The following PRUNE2 variants were observed in gnomAD, a reference collection of about 807,000 sequenced individuals.
The protein encoded by PRUNE2 is prune homolog 2 with BCH domain.
In PRUNE2, 164 loss-of-function variants were observed where a neutral mutation model predicts 252.0. The ratio of observed to expected loss-of-function variants is 0.65; its 90% CI spans 0.57 to 0.74. The LOEUF (loss-of-function observed/expected upper bound fraction) is 0.74. Ranked by LOEUF, PRUNE2 falls within the 30% of genes least tolerant of loss-of-function variation. PRUNE2 has a pLI of 0.00. For synonymous variants in PRUNE2, 1,292 were observed against 1,350.2 expected, an observed-to-expected ratio of 0.96 and a Z score of 0.94; for missense variants, 3,495 against 3,711.0, an observed-to-expected ratio of 0.94 and a Z score of 1.51.
intron 6 of PRUNE2, among the ~76,000 whole-genome samples, chr9:76,769,847 A>G (rs2130914284): frequency 6.6e-6 from 1 of 152,374 alleles, no homozygotes; most frequent in East Asian, 1.9e-4. Context: ...AAAAAGCGGT[A>G]GCAATTAAAA....
chr9:76,773,295 A>G (rs1420695186), intron 6 of PRUNE2, among the ~76,000 whole-genome samples: 1 of 152,174 alleles, frequency 6.6e-6, no homozygotes, highest in Non-Finnish European at 1.5e-5. Context: ...AGAAATAGAA[A>G]TTTCTGTAAA....
In PRUNE2 at chr9:76,706,175, A is replaced by T. The variant is rs1443490799; in HGVS notation, c.6099T>A (p.Ser2033=). Residue 2033 remains serine (S), a synonymous_variant, in exon 8 of 19, where the codon TCT becomes TCA. Coordinates refer to ENST00000376718, the MANE Select transcript of PRUNE2 (RefSeq NM_015225.3). ...CACTTGGGGTAGAGCCATCCCATTCAGAGCCTGGCTTCATTATCAGTTGGG... is the reference window on the plus strand; with the variant it reads ...CACTTGGGGTAGAGCCATCCCATTCTGAGCCTGGCTTCATTATCAGTTGGG... ...SPTQLIMKPG[S]EWDGSTPSED... 6.2e-7 allele frequency: 1 copy of T among 1,613,900 alleles called. No individual in the cohort carries two copies.
chr9:76,897,964 C>A (rs7036806), intron 1 of PRUNE2, among the ~76,000 whole-genome samples: 10,731 of 152,118 alleles, frequency 0.071, 1,251 homozygotes, highest in African/African-American at 0.24. Context: ...ATTACTGTGC[C>A]TGGAGATCAC....
Position 76,873,334 on chromosome 9 carries a change from G to GT in PRUNE2, c.37-19127dup, listed in dbSNP as rs556249588. ...ATGTTTTAGATTTTCCATAATAAAA[G>GT]TTTTTTTAAAAGAAGCCTTGTATAT... On this transcript the variant is annotated intron_variant, in intron 1 of 18. Transcript: ENST00000376718. Among the ~76,000 whole-genome samples, 110 of 152,170 alleles carry GT rather than the reference G, an allele frequency of 7.2e-4. 1 individual carries two copies. The highest frequency in any genetic ancestry group is 2.6e-3 in the African/African-American group (108 of 41,522).
chr9:76,769,549 C>T (rs1301239114), intron 6 of PRUNE2, among the ~76,000 whole-genome samples: 3 of 152,164 alleles, frequency 2.0e-5, no homozygotes, highest in Non-Finnish European at 1.5e-5. Flanking sequence ...CCTCAGCCTC[C>T]CAAGTAGCTG....
rs868124889 is a variant in PRUNE2 at position 76,704,761 on chromosome 9, C to A, written c.7513G>T (p.Gly2505Cys). The change falls in exon 8 of 19, where the codon GGT (glycine) becomes TGT (cysteine). Residue 2505 changes from glycine to cysteine, a missense_variant and splice_region_variant. Gly to Cys is a radical substitution (Grantham distance 159). Transcript: ENST00000376718. ...AGTGGAAGAATGGAATGTTTCTTACCATTTGGTGGTCCTATGTCTCCACCT... is the reference window on the plus strand; with the variant it reads ...AGTGGAAGAATGGAATGTTTCTTACAATTTGGTGGTCCTATGTCTCCACCT... ...PAGGDIGPPN[G>C]ASKEISELEE... 2 of 1,534,710 alleles carry A rather than the reference C, an allele frequency of 1.3e-6. No homozygotes were observed. Among genetic ancestry groups the A allele is most frequent in the East Asian group, 2.4e-5 (1 of 41,706 alleles).
chr9:76,775,262 C>T (rs2053607460), intron 6 of PRUNE2, among the ~76,000 whole-genome samples: 1 of 152,010 alleles, frequency 6.6e-6, no homozygotes, highest in South Asian at 2.1e-4. Context: ...TTTGCAATGA[C>T]AAAGAGGAAC....
At chr9:76,838,899 T>A (rs1340897742) in intron 4 of PRUNE2, among the ~76,000 whole-genome samples, 1 of 152,194 alleles carries the variant, frequency 6.6e-6, no homozygotes, top group African/African-American at 2.4e-5. Context: ...TTACATGTCC[T>A]TTTATACACA....
chr9:76,783,984 G>A (rs968313223), intron 6 of PRUNE2: 5 of 152,034 alleles, frequency 3.3e-5, no homozygotes, highest in Non-Finnish European at 7.3e-5. Flanking sequence ...CTGTCCTCCC[G>A]GAATCCACTA....
In PRUNE2 at chr9:76,708,171, A is replaced by G; in HGVS notation, c.4103T>C (p.Leu1368Pro). Residue 1368 changes from leucine to proline, a missense_variant, in exon 8 of 19, where the codon CTG becomes CCG. By Grantham distance (98) the Leu-to-Pro change is moderately conservative. Transcript: ENST00000376718. ...GATTTCCTGATGTTCAGATGCAACC[A>G]GAGAAGACAGTTCCTGGTCACTCTG... ...KGQSDQELSS[L>P]VASEHQEICI... The G allele has an allele frequency of 2.5e-6, 4 of 1,614,024 alleles. No homozygotes were observed. The highest frequency in any genetic ancestry group is 3.4e-6 in the Non-Finnish European group (4 of 1,179,900).
At chr9:76,621,137 T>C (rs571797196) in intron 17 of PRUNE2, among the ~76,000 whole-genome samples, 2 of 152,186 alleles carry the variant, frequency 1.3e-5, no homozygotes, top group South Asian at 4.1e-4. Context: ...GACAGATAGG[T>C]TTTGTTCCCT....
At position 76,707,229 on chromosome 9, in the gene PRUNE2, G is replaced by C; in HGVS notation, c.5045C>G (p.Ser1682Ter). 6.2e-7 allele frequency: 1 copy of C among 1,613,888 alleles called. No individual in the cohort carries two copies. The highest frequency in any genetic ancestry group is 1.1e-5 in the South Asian group (1 of 91,064). The change falls in exon 8 of 19, where the codon TCA becomes TGA. Residue 1682 changes from serine to a stop codon, truncating the protein, a stop_gained. Coordinates refer to ENST00000376718, the MANE Select transcript of PRUNE2 (RefSeq NM_015225.3). LOFTEE classifies it high-confidence loss of function. ...TVQPEDARVISTSSGSDDDSV... is the reference protein window; with the variant it reads ...TVQPEDARVI ...GTCATCATCAGAACCTGAGCTTGTT[G>C]AAATGACCCTGGCATCCTCTGGCTG... is the stretch of plus-strand genomic sequence containing the variant.
At chr9:76,848,383 T>A (rs2059780253) in intron 3 of PRUNE2, among the ~76,000 whole-genome samples, 1 of 152,224 alleles carries the variant, frequency 6.6e-6, no homozygotes, top group Non-Finnish European at 1.5e-5. Context: ...TGTCAATGAT[T>A]GATAAATATT....
chr9:76,707,168 G>T lies in PRUNE2; in HGVS notation c.5106C>A (p.Ile1702=). The T allele has an allele frequency of 2.0e-5, 32 of 1,613,868 alleles. No homozygotes were observed. The highest frequency in any genetic ancestry group is 2.7e-5 in the Non-Finnish European group (32 of 1,179,854). ...VGGEESIEEE[I]QVANCHVAED... ...CAGCAACGTGGCAGTTGGCCACCTG[G>T]ATCTCTTCCTCTATTGACTCTTCAC... Residue 1702 remains isoleucine (I), a synonymous_variant, in exon 8 of 19, where the codon ATC becomes ATA. Coordinates refer to ENST00000376718, the MANE Select transcript of PRUNE2 (RefSeq NM_015225.3).
intron 6 of PRUNE2, among the ~76,000 whole-genome samples, chr9:76,754,893 G>T (rs899198830): frequency 6.7e-6 from 1 of 148,914 alleles, no homozygotes; most frequent in Non-Finnish European, 1.5e-5. Flanking sequence ...TTGAACCCGG[G>T]AGGCGGAGGT....
chr9:76,649,932 C>T (rs563373373), intron 11 of PRUNE2, among the ~76,000 whole-genome samples: 1 of 82,818 alleles, frequency 1.2e-5, no homozygotes, highest in African/African-American at 5.8e-5. Context: ...GGTAGAGTAA[C>T]GCTTACTTTT....
At chr9:76,762,757 T>C (rs1392978594) in intron 6 of PRUNE2, among the ~76,000 whole-genome samples, 1 of 152,178 alleles carries the variant, frequency 6.6e-6, no homozygotes, top group Non-Finnish European at 1.5e-5. Flanking sequence ...CCCTTCGCCA[T>C]GAGCATGGCT....
At chr9:76,617,725 G>A (rs1830374793) in intron 18 of PRUNE2, among the ~76,000 whole-genome samples, 1 of 152,148 alleles carries the variant, frequency 6.6e-6, no homozygotes, top group African/African-American at 2.4e-5. Flanking sequence ...AACCCAGACA[G>A]GAAGCAATGG....
At chr9:76,851,541 C>T (rs2059960743) in intron 2 of PRUNE2, among the ~76,000 whole-genome samples, 1 of 135,378 alleles carries the variant, frequency 7.4e-6, no homozygotes, top group African/African-American at 3.2e-5. Flanking sequence ...GAGCAAGACT[C>T]TGTCTCGGAA....
Sources: allele counts gnomAD v4.1 joint callset (sites outside exome capture counted in the v4.1 genomes callset), GRCh38; gene constraint gnomAD v4.1.1; transcripts MANE v1.5; gene names NCBI Gene and HGNC (gene_info 2026-07-23, HGNC 2026-07-21).